The following C7orf78 variants were observed in gnomAD, a reference collection of about 807,000 sequenced individuals.
C7orf78 encodes the protein putative uncharacterized protein C7orf78.
chr7:12,520,460 A>G, the C7orf78 span, among the ~76,000 whole-genome samples: 2 of 152,116 alleles, frequency 1.3e-5, no homozygotes, highest in African/African-American at 2.4e-5. Flanking sequence ...GTTTCAATAA[A>G]TTTTTAAATT....
At chr7:12,500,327 C>T in the C7orf78 span, among the ~76,000 whole-genome samples, 12 of 150,940 alleles carry the variant, frequency 8.0e-5, no homozygotes, top group Non-Finnish European at 1.6e-4. Context: ...ATTGATAGAC[C>T]GCTAGCAAGA....
At chr7:12,500,451 C>A in the C7orf78 span, among the ~76,000 whole-genome samples, 14 of 150,398 alleles carry the variant, frequency 9.3e-5, no homozygotes, top group African/African-American at 3.2e-4. Flanking sequence ...ACTACAAACA[C>A]CTCTACGCAA....
the C7orf78 span, chr7:12,483,713 CA>C: frequency 2.8e-4 from 38 of 136,792 alleles, no homozygotes; most frequent in South Asian, 2.4e-4. Context: ...ACTAAAACTA[CA>C]AAAAAAAAAA....
At chr7:12,520,676 C>T in the C7orf78 span, among the ~76,000 whole-genome samples, 4 of 152,130 alleles carry the variant, frequency 2.6e-5, no homozygotes, top group African/African-American at 4.8e-5. Context: ...GTTACATTTG[C>T]GAATGAGAAG....
the C7orf78 span, among the ~76,000 whole-genome samples, chr7:12,490,288 A>T: frequency 2.6e-5 from 4 of 152,100 alleles, no homozygotes; most frequent in African/African-American, 7.2e-5. Context: ...TCACTTTAAC[A>T]TGATAATTAT....
At chr7:12,509,378 G>A in the C7orf78 span, among the ~76,000 whole-genome samples, 1 of 152,166 alleles carries the variant, frequency 6.6e-6, no homozygotes, top group Non-Finnish European at 1.5e-5. Context: ...AGGAGTTACT[G>A]CTTTGAGAGA....
chr7:12,496,813 CAGAT>C, the C7orf78 span, among the ~76,000 whole-genome samples: 137 of 152,204 alleles, frequency 9.0e-4, no homozygotes, highest in African/African-American at 3.2e-3. Flanking sequence ...AGGCATAAAT[CAGAT>C]AGCATAAAGA....
At chr7:12,521,757 C>G in the C7orf78 span, among the ~76,000 whole-genome samples, 4 of 149,766 alleles carry the variant, frequency 2.7e-5, no homozygotes, top group South Asian at 6.3e-4. Context: ...TTTTCCTGTT[C>G]AAAATATTTT....
chr7:12,520,301 G>A, the C7orf78 span, among the ~76,000 whole-genome samples: 2 of 152,300 alleles, frequency 1.3e-5, no homozygotes, highest in South Asian at 2.1e-4. Flanking sequence ...GCAAGTGCCC[G>A]ATGCCTCTAG....
the C7orf78 span, chr7:12,523,284 A>G: frequency 7.5e-6 from 3 of 398,332 alleles, no homozygotes; most frequent in Non-Finnish European, 1.3e-5. Context: ...AGCATAAGGA[A>G]TCATCCTAAG....
At chr7:12,538,254 A>G in the C7orf78 span, 1 of 152,156 alleles carries the variant, frequency 6.6e-6, no homozygotes, top group East Asian at 1.9e-4. Context: ...TAACATTCTA[A>G]TCTCACATCC....
the C7orf78 span, among the ~76,000 whole-genome samples, chr7:12,537,353 A>G: frequency 2.6e-5 from 4 of 152,338 alleles, no homozygotes; most frequent in East Asian, 7.7e-4. Flanking sequence ...AGAACAGCAC[A>G]GGAAAAACCT....
At chr7:12,506,884 A>T in the C7orf78 span, 1 of 472,894 alleles carries the variant, frequency 2.1e-6, no homozygotes. Context: ...GTTGTATAAC[A>T]AGTTTAAGAA....
the C7orf78 span, among the ~76,000 whole-genome samples, chr7:12,489,816 A>T: frequency 6.6e-6 from 1 of 152,136 alleles, no homozygotes; most frequent in Non-Finnish European, 1.5e-5. Flanking sequence ...GACAGCAGTG[A>T]TGTGTAGAAG....
At chr7:12,541,076 A>G in the C7orf78 span, 1 of 152,250 alleles carries the variant, frequency 6.6e-6, no homozygotes, top group Non-Finnish European at 1.5e-5. Flanking sequence ...GTGCTAAAAC[A>G]ACAAATGAAA....
the C7orf78 span, among the ~76,000 whole-genome samples, chr7:12,489,008 A>T: frequency 6.6e-6 from 1 of 151,636 alleles, no homozygotes; most frequent in East Asian, 1.9e-4. Context: ...ATTTGAAAGA[A>T]AAGACCATAG....
chr7:12,489,136 G>C, the C7orf78 span, among the ~76,000 whole-genome samples: 2 of 151,988 alleles, frequency 1.3e-5, no homozygotes, highest in Non-Finnish European at 2.9e-5. Context: ...TTTCATAATG[G>C]CTTGTAACAG....
At chr7:12,496,215 T>G in the C7orf78 span, among the ~76,000 whole-genome samples, 14,511 of 152,202 alleles carry the variant, frequency 0.095, 853 homozygotes, top group Non-Finnish European at 0.13. Context: ...GTGAGCCACC[T>G]CGTCTGGCTG....
At chr7:12,488,015 A>G in the C7orf78 span, among the ~76,000 whole-genome samples, 2 of 152,078 alleles carry the variant, frequency 1.3e-5, no homozygotes, top group Non-Finnish European at 2.9e-5. Context: ...ACATTTTTCA[A>G]AGAAAATACA....
Sources: allele counts gnomAD v4.1 joint callset (sites outside exome capture counted in the v4.1 genomes callset), GRCh38; gene constraint gnomAD v4.1.1; transcripts MANE v1.5; gene names NCBI Gene and HGNC (gene_info 2026-07-23, HGNC 2026-07-21).